The following BDP1 variants were observed in gnomAD, a reference collection of about 807,000 sequenced individuals.
The protein encoded by BDP1 is BDP1 general transcription factor IIIB subunit.
In BDP1, 169 loss-of-function variants were observed where a neutral mutation model predicts 266.6. The ratio of observed to expected loss-of-function variants is 0.63; its 90% confidence interval spans 0.56 to 0.72. The LOEUF is 0.72. Among genes scored for constraint, BDP1 ranks in the 30% least tolerant of loss-of-function variants. The probability of loss-of-function intolerance (pLI) is 0.00; values close to 1 mark genes in which losing one functional copy is unlikely to be tolerated. For missense variants in BDP1, 3,015 were observed against 3,053.8 expected (o/e 0.99, Z 0.30); for synonymous variants, 1,090 against 1,022.4 (o/e 1.07, Z -1.26).
At chr5:71,528,965 C>T (rs1293895306) in intron 25 of BDP1, among the ~76,000 whole-genome samples, 2 of 152,106 alleles carry the variant, frequency 1.3e-5, no homozygotes, top group African/African-American at 4.8e-5. Context: ...AGACTGTATC[C>T]CTGAATTAAT....
chr5:71,501,855 A>G (rs538942415), intron 14 of BDP1, among the ~76,000 whole-genome samples: 4 of 152,242 alleles, frequency 2.6e-5, no homozygotes, highest in East Asian at 1.9e-4. Flanking sequence ...TTATGAGTCT[A>G]TTGAGTTAGC....
At position 71,544,360 on chromosome 5, in the gene BDP1, C is replaced by T. The variant is rs1742100980; in HGVS notation, c.6416C>T (p.Thr2139Ile). The T allele has an allele frequency of 6.2e-7, 1 of 1,605,938 alleles. No individual in the cohort carries two copies. Among genetic ancestry groups the T allele is most frequent in the Middle Eastern group, 1.7e-4 (1 of 5,994 alleles). The change falls in exon 31 of 39, where the codon ACA (threonine) becomes ATA (isoleucine). Residue 2139 changes from threonine to isoleucine, a missense_variant. Thr to Ile is a moderately conservative substitution (Grantham distance 89). This residue lies in a region of BDP1 where 629 missense variants were observed against 632.5 expected (regional missense o/e 0.99). Coordinates refer to ENST00000358731, the MANE Select transcript of BDP1 (RefSeq NM_018429.3). The stretch of plus-strand genomic sequence containing the variant: ...GTAAGTGTGCTTTTTGTTTAAGAAA[C>T]AGAGAAAAATGCTTCCAAAGCAACA... ...KGAEMETQRE[T>I]EKNASKATEL...
intron 3 of BDP1, 141 bp from the exon 4 acceptor site, chr5:71,463,917 T>A: frequency 1.9e-6 from 1 of 522,064 alleles, no homozygotes; most frequent in Non-Finnish European, 3.4e-6. Flanking sequence ...AGTTGATTGT[T>A]GGATTGTACT....
chr5:71,486,140 G>T (rs566293208), intron 8 of BDP1, among the ~76,000 whole-genome samples: 30 of 152,146 alleles, frequency 2.0e-4, no homozygotes, highest in African/African-American at 6.3e-4. Flanking sequence ...GTATGTTTTT[G>T]AGATTCCCTC....
At chr5:71,535,011 A>G (rs1397673706) in intron 26 of BDP1, among the ~76,000 whole-genome samples, 1 of 152,060 alleles carries the variant, frequency 6.6e-6, no homozygotes, top group African/African-American at 2.4e-5. Flanking sequence ...TGATTTTTGT[A>G]TATTAGCTTT....
At chr5:71,492,136 C>G (rs1763634276) in intron 11 of BDP1, among the ~76,000 whole-genome samples, 2 of 152,170 alleles carry the variant, frequency 1.3e-5, no homozygotes, top group Admixed American at 1.3e-4. Context: ...TATTCTAGTA[C>G]ATGTATAGAC....
At chr5:71,460,414 T>C (rs1730347268) in intron 2 of BDP1, among the ~76,000 whole-genome samples, 2 of 152,102 alleles carry the variant, frequency 1.3e-5, no homozygotes, top group East Asian at 1.9e-4. Flanking sequence ...ACTAGTGTCA[T>C]GAAAATAGTA....
At chr5:71,464,390 G>GA (rs1761766710) in intron 4 of BDP1, among the ~76,000 whole-genome samples, 1 of 151,992 alleles carries the variant, frequency 6.6e-6, no homozygotes, top group African/African-American at 2.4e-5. Flanking sequence ...AGTTATTCAG[G>GA]AGGCTGAGGT....
In BDP1 at chr5:71,522,811, G is replaced by T; in HGVS notation, c.5249G>T (p.Gly1750Val). 1.9e-6 allele frequency: 3 copies of T among 1,613,430 alleles called. No individual in the cohort carries two copies. The highest frequency in any genetic ancestry group is 2.5e-6 in the Non-Finnish European group (3 of 1,179,842). The change falls in exon 24 of 39, where the codon GGT becomes GTT. Residue 1750 changes from glycine (G) to valine (V), a missense_variant. Physicochemically the swap from Gly to Val is moderately radical, Grantham distance 109 (BLOSUM62 -3). This residue lies in a region of BDP1 where 2,383 missense variants were observed against 2,404.9 expected (regional missense o/e 0.99). Transcript: ENST00000358731. ...GTTTCAGCAAGAAAAGATTGTGTAG[G>T]TTCCAAAGAGTCTGCTTTGGCAAAA... ...LEVSARKDCVGSKESALAKID... is the reference protein window; with the variant it reads ...LEVSARKDCVVSKESALAKID...
intron 20 of BDP1, 130 bp downstream of exon 20, chr5:71,515,252 A>ACAG (rs1765158959): frequency 2.8e-6 from 2 of 708,488 alleles, no homozygotes; most frequent in Non-Finnish European, 4.5e-6. Context: ...TTTTATTGAT[A>ACAG]CAGCAGACTG....
rs139523946 is a variant in BDP1 at position 71,565,533 on chromosome 5, C to G, written c.*648C>G. The G allele has an allele frequency of 6.6e-6, 1 of 152,604 alleles. No homozygotes were observed. Among genetic ancestry groups the G allele is most frequent in the African/African-American group, 2.4e-5 (1 of 41,566 alleles). 9.5% of individuals were successfully genotyped at this position (152,604 alleles called of 1,614,324 possible). ...ATACTTACTATTGTGTTACAACTGC[C>G]TACAGTATTCAGCATAGTAACACAT... On this transcript the variant is annotated 3_prime_UTR_variant, in exon 39 of 39. Coordinates refer to ENST00000358731, the MANE Select transcript of BDP1 (RefSeq NM_018429.3).
intron 7 of BDP1, among the ~76,000 whole-genome samples, chr5:71,481,703 C>T (rs907398607): frequency 6.6e-6 from 1 of 152,102 alleles, no homozygotes; most frequent in Admixed American, 6.6e-5. Context: ...ATCCTTTCTC[C>T]AATGGGATTT....
intron 25 of BDP1, among the ~76,000 whole-genome samples, chr5:71,531,770 A>G (rs1024421097): frequency 6.6e-6 from 1 of 152,100 alleles, no homozygotes; most frequent in Non-Finnish European, 1.5e-5. Context: ...CGGCCTCCCA[A>G]AGTGCTGGGA....
chr5:71,570,501 C>G (rs758797324), downstream of BDP1, among the ~76,000 whole-genome samples: 2 of 152,164 alleles, frequency 1.3e-5, no homozygotes, highest in African/African-American at 4.8e-5. Context: ...CACAACAGAC[C>G]TAGAATTGTT....
In BDP1 at chr5:71,509,487, A is replaced by G. The variant is rs1044225992; in HGVS notation, c.2395A>G (p.Asn799Asp). 8.2e-6 allele frequency: 13 copies of G among 1,585,526 alleles called. No individual in the cohort carries two copies. Among genetic ancestry groups the G allele is most frequent in the East Asian group, 2.2e-5 (1 of 44,786 alleles). ...CLSVQENNKA[N>D]KLNQVPILRT... ...TAGCGTTCAAGAGAATAATAAGGCA[A>G]ATAAACTTAACCAAGTCCCAATTCT... The change falls in exon 17 of 39, where the codon AAT (asparagine) becomes GAT (aspartate). Residue 799 changes from asparagine to aspartate, a missense_variant. Asn to Asp is a conservative substitution (Grantham distance 23). Around this residue, in one of 3 missense-constraint regions of BDP1, gnomAD observed 2,383 missense variants for 2,404.9 expected, o/e 0.99. Coordinates refer to ENST00000358731, the MANE Select transcript of BDP1 (RefSeq NM_018429.3).
In BDP1 at chr5:71,565,103, C is replaced by G. The variant is rs1743949376; in HGVS notation, c.*218C>G. On this transcript the variant is annotated 3_prime_UTR_variant, in exon 39 of 39. Coordinates refer to ENST00000358731, the MANE Select transcript of BDP1 (RefSeq NM_018429.3). The stretch of plus-strand genomic sequence containing the variant: ...GATTCAGCATTTTGCAAATAGCAAG[C>G]AATTAAGACTGCTTTCTCAGACAGA... 8.4e-6 allele frequency: 4 copies of G among 476,742 alleles called. No individual in the cohort carries two copies. Among genetic ancestry groups the G allele is most frequent in the Non-Finnish European group, 1.5e-5 (4 of 271,222 alleles). The allele number at this position is 476,742 out of a possible 1,614,324, so 29.5% of individuals were successfully genotyped here.
chr5:71,523,563 C>T (rs1175682729), intron 24 of BDP1, among the ~76,000 whole-genome samples: 1 of 152,200 alleles, frequency 6.6e-6, no homozygotes, highest in Non-Finnish European at 1.5e-5. Context: ...ATCTGCCTGC[C>T]TCGTCCTCCC....
At chr5:71,550,690 A>T in intron 34 of BDP1, among the ~76,000 whole-genome samples, 1 of 152,168 alleles carries the variant, frequency 6.6e-6, no homozygotes, top group East Asian at 1.9e-4. Flanking sequence ...ATCGTGTAGC[A>T]TTAGAAATTG....
chr5:71,480,277 ATTTTTTTTTTTTTT>A (rs552593030), intron 7 of BDP1, among the ~76,000 whole-genome samples: 49,497 of 107,106 alleles, frequency 0.46, 9,737 homozygotes, highest in South Asian at 0.58. Flanking sequence ...TGCCCAGCTA[ATTTTTTTTTTTTTT>A]TTTTTTTTTT....
Sources: allele counts gnomAD v4.1 joint callset (sites outside exome capture counted in the v4.1 genomes callset), GRCh38; gene constraint gnomAD v4.1.1; regional missense constraint gnomAD v4.1.1; transcripts MANE v1.5; gene names NCBI Gene and HGNC (gene_info 2026-07-23, HGNC 2026-07-21).